EYS: variants seen among roughly 807,000 people sequenced by gnomAD.
EYS encodes protein eyes shut homolog.
EYS carries 250 observed loss-of-function variants against 282.1 expected under a neutral mutation model. The ratio of observed to expected loss-of-function variants is 0.89; its 90% CI spans 0.80 to 0.98. EYS has a LOEUF of 0.98. EYS is among the 50% of genes least tolerant of loss of function. The pLI is 0.00. For synonymous variants in EYS, 1,355 were observed against 1,282.9 expected, an observed-to-expected ratio of 1.06 and a Z score of -1.20; for missense variants, 4,016 against 3,709.0, an observed-to-expected ratio of 1.08 and a Z score of -2.15.
Position 63,720,403 on chromosome 6 carries a change from ATAAAT to A in EYS, c.*188_*192del, listed in dbSNP as rs1554163809. 5.8e-6 allele frequency: 3 copies of A among 514,538 alleles called. No individual in the cohort carries two copies. Among genetic ancestry groups the A allele is most frequent in the South Asian group, 7.4e-5 (2 of 27,174 alleles). 31.9% of individuals were successfully genotyped at this position (514,538 alleles called of 1,614,324 possible). On this transcript the variant is annotated 3_prime_UTR_variant, in exon 43 of 43. Transcript: ENST00000503581. ...AAAACATGAATCAAAATATATACAG[ATAAAT>A]TAGATGTAGGAAAAACAATCAGAAC...
intron 19 of EYS, among the ~76,000 whole-genome samples, chr6:64,846,420 G>A (rs1765715725): frequency 6.6e-6 from 1 of 152,094 alleles, no homozygotes; most frequent in Admixed American, 6.6e-5. Context: ...CAGCCAGATT[G>A]AGGTTGCACA....
intron 35 of EYS, among the ~76,000 whole-genome samples, chr6:63,936,407 C>T (rs1765058595): frequency 6.6e-6 from 1 of 152,184 alleles, no homozygotes; most frequent in South Asian, 2.1e-4. Flanking sequence ...TCATATTTCC[C>T]TATAGCCTTT....
chr6:65,310,586 T>G (rs1466426902), intron 11 of EYS, among the ~76,000 whole-genome samples: 1 of 152,128 alleles, frequency 6.6e-6, no homozygotes, highest in African/African-American at 2.4e-5. Context: ...CCATGTGACC[T>G]TGTCGTGTCT....
At chr6:65,003,655 A>G (rs1771540303) in intron 13 of EYS, among the ~76,000 whole-genome samples, 1 of 147,052 alleles carries the variant, frequency 6.8e-6, no homozygotes, top group African/African-American at 2.4e-5. Flanking sequence ...TCTCCCCCGG[A>G]TGCCCAGCTT....
chr6:65,536,777 G>A (rs2127315651), intron 2 of EYS, among the ~76,000 whole-genome samples: 1 of 152,180 alleles, frequency 6.6e-6, no homozygotes, highest in South Asian at 2.1e-4. Context: ...ACCCTTTGGG[G>A]AGATATAATA....
rs182144315 is a variant in EYS at position 64,280,388 on chromosome 6, C to T, written c.6191+26582G>A. Among the ~76,000 whole-genome samples the T allele has an allele frequency of 5.3e-5, 8 of 152,070 alleles. No individual in the cohort carries two copies. In the South Asian group the frequency reaches 8.3e-4, roughly 16 times the overall value. On this transcript the variant is annotated intron_variant, in intron 30 of 42. Coordinates refer to ENST00000503581, the MANE Select transcript of EYS (RefSeq NM_001142800.2). ...TAGTAGATGATCTCTGAGGTATTTT[C>T]CAGCTCAAAAATTCTATTATTCTTA...
intron 31 of EYS, among the ~76,000 whole-genome samples, chr6:64,230,235 A>G (rs1277936774): frequency 6.6e-6 from 1 of 152,212 alleles, no homozygotes; most frequent in Non-Finnish European, 1.5e-5. Flanking sequence ...TTTGGCAATT[A>G]AGCAATAAAA....
At position 65,439,492 on chromosome 6, in the gene EYS, T is replaced by A. The variant is rs146457443; in HGVS notation, c.863-34125A>T. On this transcript the variant is annotated intron_variant, in intron 5 of 42. Transcript: ENST00000503581. ...CGTCCTATCCATGAGCATGGAATGT[T>A]CTTCCATTTGTTTGTGTCCTCTTTT... is the stretch of plus-strand genomic sequence containing the variant. Among the ~76,000 whole-genome samples the A allele has an allele frequency of 4.3e-4, 65 of 152,306 alleles. 1 individual carries two copies. Among genetic ancestry groups the A allele is most frequent in the African/African-American group, 1.2e-3 (50 of 41,586 alleles).
intron 35 of EYS, among the ~76,000 whole-genome samples, chr6:63,948,887 C>A (rs1332315157): frequency 1.3e-5 from 2 of 151,976 alleles, no homozygotes; most frequent in African/African-American, 4.8e-5. Context: ...GCTATATATA[C>A]AGTGTGCTAT....
chr6:65,021,355 C>G (rs1019007561), intron 13 of EYS, among the ~76,000 whole-genome samples: 1 of 152,242 alleles, frequency 6.6e-6, no homozygotes, highest in Non-Finnish European at 1.5e-5. Flanking sequence ...CCATCAGTCT[C>G]TTTGCTAAAG....
chr6:64,098,112 G>A (rs1772695584), intron 31 of EYS, among the ~76,000 whole-genome samples: 2 of 152,074 alleles, frequency 1.3e-5, no homozygotes, highest in East Asian at 1.9e-4. Context: ...AAAACTATTT[G>A]GCAGTATCCA....
At chr6:65,007,329 G>A (rs946471847) in intron 13 of EYS, among the ~76,000 whole-genome samples, 5 of 152,104 alleles carry the variant, frequency 3.3e-5, no homozygotes, top group East Asian at 3.9e-4. Flanking sequence ...CCCCTAAGAT[G>A]TATTCTGGAG....
chr6:64,061,741 T>G (rs1387786762), intron 33 of EYS, among the ~76,000 whole-genome samples: 2 of 152,112 alleles, frequency 1.3e-5, no homozygotes, highest in Non-Finnish European at 2.9e-5. Flanking sequence ...GTAATCCCAG[T>G]ACTTTAGGAG....
At chr6:65,354,353 A>C (rs1414776133) in intron 8 of EYS, among the ~76,000 whole-genome samples, 1 of 152,070 alleles carries the variant, frequency 6.6e-6, no homozygotes, top group African/African-American at 2.4e-5. Flanking sequence ...GGCAGAGAAA[A>C]ACACAGCTGA....
chr6:63,928,776 C>T (rs1764800451), intron 35 of EYS, among the ~76,000 whole-genome samples: 1 of 152,120 alleles, frequency 6.6e-6, no homozygotes, highest in Non-Finnish European at 1.5e-5. Flanking sequence ...GTACACTCAG[C>T]TTAATGATAC....
intron 17 of EYS, 92 bp from the exon 18 acceptor site, chr6:64,902,312 T>C: frequency 7.7e-7 from 1 of 1,299,616 alleles, no homozygotes; most frequent in Non-Finnish European, 1.1e-6. Flanking sequence ...TTAATAATTA[T>C]AATTGTTGCT....
At chr6:65,338,028 T>C (rs979964846) in intron 10 of EYS, among the ~76,000 whole-genome samples, 2 of 151,152 alleles carry the variant, frequency 1.3e-5, no homozygotes, top group Non-Finnish European at 3.0e-5. Flanking sequence ...CTCTTGGCTA[T>C]ACCTCAAAAA....
chr6:65,520,965 G>A (rs1767346603), intron 2 of EYS, among the ~76,000 whole-genome samples: 1 of 152,052 alleles, frequency 6.6e-6, no homozygotes. Flanking sequence ...TAAATTTGAG[G>A]ACAAATATGA....
chr6:65,657,952 C>T (rs913050136), intron 1 of EYS, among the ~76,000 whole-genome samples: 1 of 151,814 alleles, frequency 6.6e-6, no homozygotes, highest in African/African-American at 2.4e-5. Flanking sequence ...CCTCCACCAG[C>T]ACAAACATCA....
Sources: allele counts gnomAD v4.1 joint callset (sites outside exome capture counted in the v4.1 genomes callset), GRCh38; gene constraint gnomAD v4.1.1; transcripts MANE v1.5; gene names NCBI Gene and HGNC (gene_info 2026-07-23, HGNC 2026-07-21).